Variants in CNTNAP5 observed in about 807,000 individuals in gnomAD.
The protein encoded by CNTNAP5 is contactin associated protein family member 5.
CNTNAP5 carries 72 observed loss-of-function variants against 150.2 expected under a neutral mutation model. The observed-to-expected ratio is 0.48, with a 90% CI of 0.40 to 0.58. CNTNAP5 has a LOEUF of 0.58. CNTNAP5 is among the 20% of genes least tolerant of loss of function. The probability of loss-of-function intolerance (pLI) is 0.00; values close to 1 mark genes in which losing one functional copy is unlikely to be tolerated. For synonymous variants in CNTNAP5, 672 were observed against 619.8 expected, an observed-to-expected ratio of 1.08 and a Z score of -1.25; for missense variants, 1,636 against 1,626.2, an observed-to-expected ratio of 1.01 and a Z score of -0.10.
chr2:124,352,973 A>G (rs952987757), intron 3 of CNTNAP5, among the ~76,000 whole-genome samples: 7 of 152,184 alleles, frequency 4.6e-5, no homozygotes, highest in African/African-American at 1.7e-4. Context: ...GTGAAGCAGA[A>G]CTAGAGAAAG....
At chr2:124,786,379 G>GAAAC (rs1681577010) in intron 17 of CNTNAP5, among the ~76,000 whole-genome samples, 1 of 78,472 alleles carries the variant, frequency 1.3e-5, no homozygotes, top group Non-Finnish European at 2.4e-5. Context: ...AAGAAAGAAA[G>GAAAC]AAAGAAAGAA....
intron 3 of CNTNAP5, among the ~76,000 whole-genome samples, chr2:124,249,720 G>T (rs1217758337): frequency 6.6e-6 from 1 of 152,158 alleles, no homozygotes; most frequent in Non-Finnish European, 1.5e-5. Context: ...CCTCTGGAGG[G>T]CTGTGTCATT....
intron 3 of CNTNAP5, among the ~76,000 whole-genome samples, chr2:124,382,171 C>A (rs1690811950): frequency 6.6e-6 from 1 of 152,110 alleles, no homozygotes; most frequent in African/African-American, 2.4e-5. Flanking sequence ...GATAAGCCAT[C>A]AATGTGGCTA....
chr2:124,051,443 C>T (rs1681692711), intron 1 of CNTNAP5, among the ~76,000 whole-genome samples: 1 of 152,144 alleles, frequency 6.6e-6, no homozygotes, highest in South Asian at 2.1e-4. Flanking sequence ...CAATCATGCA[C>T]CACATACTGG....
At chr2:124,291,099 A>G (rs1362731726) in intron 3 of CNTNAP5, among the ~76,000 whole-genome samples, 2 of 152,018 alleles carry the variant, frequency 1.3e-5, no homozygotes, top group Non-Finnish European at 2.9e-5. Flanking sequence ...TTATTTTGTA[A>G]TTAATAATCT....
chr2:124,802,211 A>T (rs1445103644), intron 19 of CNTNAP5, among the ~76,000 whole-genome samples: 2 of 152,214 alleles, frequency 1.3e-5, no homozygotes, highest in East Asian at 3.9e-4. Context: ...ACTGCACACA[A>T]TTCTCAGCTT....
intron 10 of CNTNAP5, among the ~76,000 whole-genome samples, chr2:124,542,296 A>G (rs1480538424): frequency 6.7e-6 from 1 of 148,798 alleles, no homozygotes; most frequent in Non-Finnish European, 1.5e-5. Flanking sequence ...AGCATCTAGT[A>G]TGTTCCAGGA....
chr2:124,475,281 T>C (rs1488942894), intron 7 of CNTNAP5, among the ~76,000 whole-genome samples: 1 of 152,144 alleles, frequency 6.6e-6, no homozygotes, highest in Non-Finnish European at 1.5e-5. Context: ...ATATTAAAAA[T>C]AGTTCCTTTT....
intron 13 of CNTNAP5, among the ~76,000 whole-genome samples, chr2:124,661,685 T>C (rs1678594822): frequency 6.6e-6 from 1 of 152,148 alleles, no homozygotes; most frequent in African/African-American, 2.4e-5. Flanking sequence ...GTACTGTACA[T>C]AATTAAATGT....
chr2:124,578,645 G>A (rs1573471803), intron 11 of CNTNAP5, among the ~76,000 whole-genome samples: 2 of 152,096 alleles, frequency 1.3e-5, no homozygotes, highest in Admixed American at 6.6e-5. Context: ...GGTGGTGCAC[G>A]CCTATAGTCC....
chr2:124,068,639 G>A (rs1443560005), intron 1 of CNTNAP5, among the ~76,000 whole-genome samples: 1 of 151,908 alleles, frequency 6.6e-6, no homozygotes, highest in Non-Finnish European at 1.5e-5. Context: ...CTAAGAGAGT[G>A]CTTGCACCAC....
In CNTNAP5 at chr2:124,242,349, A is replaced by T; in HGVS notation, c.337A>T (p.Thr113Ser). 1 of 1,613,424 alleles carries T rather than the reference A, an allele frequency of 6.2e-7. No homozygotes were observed. Among genetic ancestry groups the T allele is most frequent in the Non-Finnish European group, 8.5e-7 (1 of 1,179,706 alleles). Residue 113 changes from threonine (T) to serine (S), a missense_variant, in exon 3 of 24, where the codon ACA (threonine) becomes TCA (serine). By Grantham distance (58) the Thr-to-Ser change is moderately conservative. Transcript: ENST00000682447. ...GAGTTACAGCCTGATGTTCAGTGAC[A>T]CAGGACGCAACTGGAAACAGTACAA... Reference protein sequence around the residue: ...VTSYSLMFSDTGRNWKQYKQE... With the variant: ...VTSYSLMFSDSGRNWKQYKQE...
At chr2:124,341,999 G>A (rs536578303) in intron 3 of CNTNAP5, among the ~76,000 whole-genome samples, 6 of 152,090 alleles carry the variant, frequency 3.9e-5, no homozygotes, top group Non-Finnish European at 8.8e-5. Flanking sequence ...GGTACCGGAG[G>A]AGACCACAAG....
chr2:124,144,643 C>A (rs957539686), intron 1 of CNTNAP5, among the ~76,000 whole-genome samples: 4 of 134,084 alleles, frequency 3.0e-5, no homozygotes, highest in Non-Finnish European at 6.3e-5. Context: ...AAAATCAATT[C>A]AAGATGGATT....
chr2:124,669,293 G>T (rs368892715), intron 13 of CNTNAP5, among the ~76,000 whole-genome samples: 2 of 152,168 alleles, frequency 1.3e-5, no homozygotes, highest in Non-Finnish European at 2.9e-5. Flanking sequence ...CTCTACAGCC[G>T]CCAAATCCCA....
intron 3 of CNTNAP5, among the ~76,000 whole-genome samples, chr2:124,339,086 TCA>T (rs1314696082): frequency 2.0e-5 from 3 of 152,264 alleles, no homozygotes; most frequent in African/African-American, 7.2e-5. Flanking sequence ...TTATGTTTTC[TCA>T]GTTTCATTCA....
Position 124,304,327 on chromosome 2 carries a change from C to T in CNTNAP5, c.381+61934C>T, listed in dbSNP as rs572349162. Reference sequence around the variant, plus strand: ...GGGACCAAGAAACACTTCTGTGAAGCACTAACATTTGTGCTAAGATATGAA... The same window carrying T: ...GGGACCAAGAAACACTTCTGTGAAGTACTAACATTTGTGCTAAGATATGAA... On this transcript the variant is annotated intron_variant, in intron 3 of 23. Coordinates refer to ENST00000682447, the MANE Select transcript of CNTNAP5 (RefSeq NM_001367498.1). Among the ~76,000 whole-genome samples, 4 of 152,224 alleles carry T rather than the reference C, an allele frequency of 2.6e-5. No individual in the cohort carries two copies. In the South Asian group the frequency reaches 6.2e-4, roughly 24 times the overall value.
At position 124,288,730 on chromosome 2, in the gene CNTNAP5, C is replaced by A. The variant is rs1035099540; in HGVS notation, c.381+46337C>A. 2.0e-5 allele frequency among the ~76,000 whole-genome samples: 3 copies of A among 152,134 alleles called. No homozygotes were observed. The East Asian group carries it at 5.8e-4, about 29-fold the overall frequency. ...TTATTTCCTAATAGGCACTTTATTA[C>A]TCTTGAAAGTCATTTATTTATTCCT... On this transcript the variant is annotated intron_variant, in intron 3 of 23. Transcript: ENST00000682447.
At chr2:124,470,691 A>C (rs893247798) in intron 6 of CNTNAP5, among the ~76,000 whole-genome samples, 1 of 152,000 alleles carries the variant, frequency 6.6e-6, no homozygotes, top group Non-Finnish European at 1.5e-5. Context: ...TGGAGTTTTT[A>C]GAGTTTTGGG....
Sources: allele counts gnomAD v4.1 joint callset (sites outside exome capture counted in the v4.1 genomes callset), GRCh38; gene constraint gnomAD v4.1.1; transcripts MANE v1.5; gene names NCBI Gene and HGNC (gene_info 2026-07-23, HGNC 2026-07-21).